Variants in UST observed in about 807,000 individuals in gnomAD.
The protein encoded by UST is chondroitin sulfate 2-O-sulfotransferase.
Under a neutral mutation model 45.6 loss-of-function variants are expected in UST, and 21 were observed. The ratio of observed to expected loss-of-function variants is 0.46; its 90% confidence interval spans 0.33 to 0.66. The LOEUF (loss-of-function observed/expected upper bound fraction) is 0.66, where lower values mean the gene tolerates loss of function less well. Among genes scored for constraint, UST ranks in the 30% least tolerant of loss-of-function variants. The pLI is 0.02. For synonymous variants in UST, 215 were observed against 200.6 expected, an observed-to-expected ratio of 1.07 and a Z score of -0.61; for missense variants, 463 against 512.4, an observed-to-expected ratio of 0.90 and a Z score of 0.93.
chr6:148,816,649 G>A (rs1016189576), intron 1 of UST, among the ~76,000 whole-genome samples: 1 of 152,206 alleles, frequency 6.6e-6, no homozygotes, highest in Non-Finnish European at 1.5e-5. Flanking sequence ...GGAGTGAGTT[G>A]TAAAGTATTA....
intron 7 of UST, among the ~76,000 whole-genome samples, chr6:149,040,439 G>A (rs1216841162): frequency 6.6e-6 from 1 of 152,080 alleles, no homozygotes; most frequent in Non-Finnish European, 1.5e-5. Flanking sequence ...GGCGGATCAC[G>A]AGGGCAGGAG....
At chr6:148,916,932 TGCATAG>T (rs1200078156) in intron 2 of UST, among the ~76,000 whole-genome samples, 1 of 152,250 alleles carries the variant, frequency 6.6e-6, no homozygotes, top group Non-Finnish European at 1.5e-5. Flanking sequence ...CTCATCACGT[TGCATAG>T]TTAGAGCCAA....
rs1776825389 is a variant in UST, at chr6:148,790,603, CT to C, written c.247+42927del. 6.6e-6 allele frequency among the ~76,000 whole-genome samples: 1 copy of C among 152,204 alleles called. No homozygotes were observed. The highest frequency in any genetic ancestry group is 1.5e-5 in the Non-Finnish European group (1 of 68,032). On this transcript the variant is annotated intron_variant, in intron 1 of 7. Coordinates refer to ENST00000367463, the MANE Select transcript of UST (RefSeq NM_005715.3). This position sits in a 1 kb window ranked among gnomAD's most constrained non-coding sequence, Gnocchi z 4.2. Reference sequence around the variant, plus strand: ...GCCACCGTTCAGAGAGGCACTCAGGCTGCCAGCTTCTGAGCATGGCTACCGA... The same window carrying C: ...GCCACCGTTCAGAGAGGCACTCAGGCGCCAGCTTCTGAGCATGGCTACCGA...
chr6:148,907,435 A>C (rs1257887321), intron 2 of UST, among the ~76,000 whole-genome samples: 1 of 152,172 alleles, frequency 6.6e-6, no homozygotes, highest in Non-Finnish European at 1.5e-5. Context: ...CAACACACAT[A>C]GGGGAGAAAT....
chr6:148,940,351 G>A (rs1328883309), intron 2 of UST, among the ~76,000 whole-genome samples: 1 of 151,490 alleles, frequency 6.6e-6, no homozygotes, highest in African/African-American at 2.4e-5. Context: ...ACAAAAATTA[G>A]CCAGTCGTGG....
intron 3 of UST, among the ~76,000 whole-genome samples, chr6:148,945,402 C>A (rs888787284): frequency 6.6e-6 from 1 of 152,158 alleles, no homozygotes; most frequent in Admixed American, 6.5e-5. Context: ...TCAGCAGAGC[C>A]TTTTAAAACC....
At chr6:149,012,801 A>AT (rs67919274) in intron 5 of UST, among the ~76,000 whole-genome samples, 260 of 138,906 alleles carry the variant, frequency 1.9e-3, no homozygotes, top group South Asian at 4.0e-3. Flanking sequence ...CAGAGTCACT[A>AT]TTTAAAAAAA....
At chr6:148,899,994 G>T (rs545751990) in intron 2 of UST, among the ~76,000 whole-genome samples, 1 of 152,260 alleles carries the variant, frequency 6.6e-6, no homozygotes, top group South Asian at 2.1e-4. Flanking sequence ...CAACTAGGTA[G>T]ACAGGAGTGA....
intron 2 of UST, among the ~76,000 whole-genome samples, chr6:148,903,097 CT>C (rs1364914007): frequency 3.3e-5 from 5 of 151,810 alleles, no homozygotes; most frequent in Non-Finnish European, 7.4e-5. Flanking sequence ...TGTTACTGAA[CT>C]TTTTATTTCA....
chr6:148,772,071 A>C (rs1333885125), intron 1 of UST, among the ~76,000 whole-genome samples: 1 of 152,272 alleles, frequency 6.6e-6, no homozygotes, highest in African/African-American at 2.4e-5. Flanking sequence ...AAGTGAAAGC[A>C]TAATATCAAA....
At chr6:148,799,746 C>G (rs1372900190) in intron 1 of UST, among the ~76,000 whole-genome samples, 1 of 152,076 alleles carries the variant, frequency 6.6e-6, no homozygotes, top group Non-Finnish European at 1.5e-5. Context: ...TCAGAAAGTA[C>G]CTAGAAGCTG....
chr6:148,992,511 G>A (rs1309634182), intron 5 of UST, among the ~76,000 whole-genome samples: 2 of 152,022 alleles, frequency 1.3e-5, no homozygotes, highest in South Asian at 2.1e-4. Context: ...GAGTCCTGCC[G>A]GGGGTCTGTG....
intron 5 of UST, among the ~76,000 whole-genome samples, chr6:148,987,809 G>A (rs925365607): frequency 3.4e-5 from 5 of 147,252 alleles, no homozygotes; most frequent in Non-Finnish European, 7.6e-5. Context: ...AGTGACATCC[G>A]TAGCGCCAAA....
At chr6:148,936,373 T>TG (rs1418809053) in intron 2 of UST, among the ~76,000 whole-genome samples, 1 of 152,060 alleles carries the variant, frequency 6.6e-6, no homozygotes, top group Non-Finnish European at 1.5e-5. Context: ...ACGGGGAGTA[T>TG]GGGGGGCACA....
At chr6:148,863,582 C>G (rs1479272733) in intron 1 of UST, among the ~76,000 whole-genome samples, 5 of 152,186 alleles carry the variant, frequency 3.3e-5, no homozygotes, top group Non-Finnish European at 5.9e-5. Context: ...AAGAGGCACT[C>G]TATTTTTAGA....
At chr6:148,888,265 C>T (rs114057160) in intron 2 of UST, among the ~76,000 whole-genome samples, 1 of 152,180 alleles carries the variant, frequency 6.6e-6, no homozygotes, top group African/African-American at 2.4e-5. Context: ...GTCGCCATGA[C>T]AGCACCAAGG....
intron 1 of UST, among the ~76,000 whole-genome samples, chr6:148,811,940 C>T (rs545857988): frequency 6.6e-6 from 1 of 152,280 alleles, no homozygotes; most frequent in Non-Finnish European, 1.5e-5. Context: ...GTTAATCTAC[C>T]ACGATTATTC....
At chr6:149,039,152 A>G (rs945984533) in intron 7 of UST, among the ~76,000 whole-genome samples, 4 of 152,154 alleles carry the variant, frequency 2.6e-5, no homozygotes, top group African/African-American at 9.7e-5. Context: ...CACGTGCATT[A>G]CAGAGAGCCA....
At chr6:148,762,986 A>G (rs1293920000) in intron 1 of UST, among the ~76,000 whole-genome samples, 3 of 152,150 alleles carry the variant, frequency 2.0e-5, no homozygotes, top group Admixed American at 6.5e-5. Context: ...TGTTTATTTG[A>G]TAGAATGATT....
Sources: allele counts gnomAD v4.1 joint callset (sites outside exome capture counted in the v4.1 genomes callset), GRCh38; gene constraint gnomAD v4.1.1; non-coding constraint Gnocchi (gnomAD v3.1); transcripts MANE v1.5; gene names NCBI Gene and HGNC (gene_info 2026-07-23, HGNC 2026-07-21).